GAK: variants seen among roughly 807,000 people sequenced by gnomAD.
The protein encoded by GAK is cyclin-G-associated kinase.
GAK carries 79 observed loss-of-function variants against 143.9 expected under a neutral mutation model. The observed-to-expected ratio is 0.55, with a 90% CI of 0.46 to 0.66. GAK has a LOEUF of 0.66. GAK is among the 30% of genes least tolerant of loss of function. GAK has a pLI of 0.00. For missense variants in GAK, 1,693 were observed against 1,779.7 expected (o/e 0.95, Z 0.88); for synonymous variants, 881 against 765.5 (o/e 1.15, Z -2.49).
At chr4:894,076 G>A (rs1718238977) in intron 7 of GAK, 67 bp from the exon 8 acceptor site, 4 of 1,455,304 alleles carry the variant, frequency 2.7e-6, no homozygotes, top group South Asian at 1.4e-5. Context: ...GGGCCTGCGG[G>A]GAGAGCAGGG....
At chr4:881,046 G>A (rs1185702547) in intron 15 of GAK, among the ~76,000 whole-genome samples, 1 of 152,216 alleles carries the variant, frequency 6.6e-6, no homozygotes, top group Non-Finnish European at 1.5e-5. Flanking sequence ...CTCCCCCCAA[G>A]GCTGTGAGCA....
At chr4:875,487 G>A (rs1713660015) in intron 18 of GAK, among the ~76,000 whole-genome samples, 4 of 152,188 alleles carry the variant, frequency 2.6e-5, no homozygotes, top group South Asian at 2.1e-4. Context: ...TGCAGAGTCC[G>A]CCAGCATCCC....
At chr4:858,001 G>A (rs1411834811) in intron 24 of GAK, among the ~76,000 whole-genome samples, 26 of 152,164 alleles carry the variant, frequency 1.7e-4, no homozygotes, top group Admixed American at 1.7e-3. Context: ...TCTGGCCCAG[G>A]TGTCGTTTGA....
chr4:913,569 C>T lies in GAK; in HGVS notation c.207+38G>A, dbSNP rs190451415. On this transcript the variant is annotated intron_variant, in intron 2 of 27. Coordinates refer to ENST00000314167, the MANE Select transcript of GAK (RefSeq NM_005255.4). ...TGTCACCAGACAGTCCCTTTACATA[C>T]GTCAGAAATCCAGAGAAGGCGTTAA... 6.1e-4 allele frequency: 928 copies of T among 1,509,318 alleles called. 9 individuals are homozygous for T. The African/African-American group carries it at 0.011, about 17-fold the overall frequency. The allele number at this position is 1,509,318 out of a possible 1,614,324, so 93.5% of individuals were successfully genotyped here.
chr4:897,219 G>A (rs1577218771), intron 6 of GAK, among the ~76,000 whole-genome samples: 1 of 152,354 alleles, frequency 6.6e-6, no homozygotes, highest in East Asian at 1.9e-4. Flanking sequence ...GGAGAGCAGG[G>A]GGCAAGTGGG....
chr4:922,188 G>C (rs1422749185), intron 1 of GAK, among the ~76,000 whole-genome samples: 1 of 152,108 alleles, frequency 6.6e-6, no homozygotes, highest in Admixed American at 6.5e-5. Context: ...ATAAGATGAA[G>C]ACACACCAGA....
intron 18 of GAK, among the ~76,000 whole-genome samples, chr4:875,121 A>G (rs953234366): frequency 6.6e-6 from 1 of 152,284 alleles, no homozygotes; most frequent in African/African-American, 2.4e-5. Flanking sequence ...TCCTGCCTCC[A>G]GCATTTAAGT....
chr4:855,561 G>A (rs980310091), intron 24 of GAK, among the ~76,000 whole-genome samples: 3 of 152,204 alleles, frequency 2.0e-5, no homozygotes, highest in Admixed American at 1.3e-4. Flanking sequence ...TTTGTAGTGC[G>A]TGTAACTTTG....
intron 15 of GAK, among the ~76,000 whole-genome samples, chr4:881,078 G>C (rs578063230): frequency 2.0e-5 from 3 of 152,286 alleles, no homozygotes; most frequent in South Asian, 2.1e-4. Flanking sequence ...GCCCTCCCTG[G>C]GGATCCACAG....
intron 24 of GAK, 124 bp downstream of exon 24, chr4:859,481 TG>T (rs776725755): frequency 6.2e-6 from 10 of 1,601,926 alleles, no homozygotes; most frequent in Non-Finnish European, 8.5e-6. Flanking sequence ...CACTGTGCTC[TG>T]GGCTTGGGGG....
At chr4:878,053 T>A (rs920438963) in intron 15 of GAK, among the ~76,000 whole-genome samples, 9 of 152,190 alleles carry the variant, frequency 5.9e-5, no homozygotes, top group Admixed American at 5.9e-4. Flanking sequence ...ATTTTTAAAT[T>A]TCTCGTGATA....
In GAK at chr4:849,887, C is replaced by T. The variant is rs367901259; in HGVS notation, c.3834+5G>A. ...CTCAAGCGGCCGCCTGGCAGCTCTG[C>T]TCACCTTGTCGGGGTGCACAGCCAG... On this transcript the variant is annotated splice_donor_5th_base_variant and intron_variant, in intron 27 of 27. Coordinates refer to ENST00000314167, the MANE Select transcript of GAK (RefSeq NM_005255.4). 7.0e-6 allele frequency: 11 copies of T among 1,573,710 alleles called. No individual in the cohort carries two copies. The highest frequency in any genetic ancestry group is 8.7e-6 in the Non-Finnish European group (10 of 1,156,016).
chr4:889,193 C>CTCA (rs1362557767), intron 10 of GAK, among the ~76,000 whole-genome samples: 2 of 152,180 alleles, frequency 1.3e-5, no homozygotes, highest in South Asian at 4.1e-4. Flanking sequence ...GAAGCCAGGC[C>CTCA]TCAGCACTGG....
chr4:919,823 C>T (rs1723638235), intron 1 of GAK, among the ~76,000 whole-genome samples: 2 of 152,250 alleles, frequency 1.3e-5, no homozygotes, highest in South Asian at 4.1e-4. Flanking sequence ...ACATTGTTTA[C>T]ATCTACATCC....
intron 1 of GAK, 94 bp from the exon 2 acceptor site, chr4:913,762 CT>C: frequency 9.0e-7 from 1 of 1,114,330 alleles, no homozygotes; most frequent in Non-Finnish European, 1.4e-6. Flanking sequence ...TACAAATTGA[CT>C]TGTGGCGTGG....
chr4:864,783 G>A (rs1169850076), intron 23 of GAK, among the ~76,000 whole-genome samples: 2 of 152,208 alleles, frequency 1.3e-5, no homozygotes, highest in African/African-American at 2.4e-5. Flanking sequence ...GGCAGAGCCA[G>A]CACGTGGTCC....
At chr4:877,975 A>G (rs578020991) in intron 15 of GAK, among the ~76,000 whole-genome samples, 166 bp from the exon 16 acceptor site, 1 of 151,540 alleles carries the variant, frequency 6.6e-6, no homozygotes, top group South Asian at 2.1e-4. Flanking sequence ...AGTTATATAT[A>G]TATGTGTGTG....
intron 4 of GAK, among the ~76,000 whole-genome samples, chr4:905,902 T>G (rs908447964): frequency 6.6e-6 from 1 of 152,264 alleles, no homozygotes; most frequent in South Asian, 2.1e-4. Flanking sequence ...CAGCCCCGTG[T>G]GTGGGACCAC....
chr4:919,637 T>G (rs1723610835), intron 1 of GAK, among the ~76,000 whole-genome samples: 1 of 152,238 alleles, frequency 6.6e-6, no homozygotes, highest in Non-Finnish European at 1.5e-5. Flanking sequence ...GAGCTGCTCC[T>G]CACCGCTTCT....
Sources: allele counts gnomAD v4.1 joint callset (sites outside exome capture counted in the v4.1 genomes callset), GRCh38; gene constraint gnomAD v4.1.1; transcripts MANE v1.5; gene names NCBI Gene and HGNC (gene_info 2026-07-23, HGNC 2026-07-21).